The following LSM12 variants were observed in gnomAD, a reference collection of about 807,000 sequenced individuals.
The protein encoded by LSM12 is protein LSM12.
For synonymous variants in LSM12, 74 were observed against 87.3 expected (o/e 0.85, Z 0.85); for missense variants, 108 against 238.9 (o/e 0.45, Z 3.61).
At chr17:44,067,071 G>A (rs1292425622), upstream of LSM12, among the ~76,000 whole-genome samples, 1 of 152,144 alleles carries the variant, frequency 6.6e-6, no homozygotes, top group Non-Finnish European at 1.5e-5. Context: ...AGGCCGAGGC[G>A]GGTGGATCAC....
At chr17:44,045,000 G>T (rs532112671) in intron 2 of LSM12, among the ~76,000 whole-genome samples, 1 of 152,098 alleles carries the variant, frequency 6.6e-6, no homozygotes, top group East Asian at 1.9e-4. Flanking sequence ...TTTTAGGCTT[G>T]GGAGGGCCAC....
chr17:44,045,108 A>C (rs1597886265), intron 2 of LSM12, among the ~76,000 whole-genome samples: 1 of 152,020 alleles, frequency 6.6e-6, no homozygotes, highest in Non-Finnish European at 1.5e-5. Context: ...GCTCACTGCA[A>C]CCTCCGCCTC....
At chr17:44,054,471 T>C (rs1179534859) in intron 2 of LSM12, among the ~76,000 whole-genome samples, 1 of 151,952 alleles carries the variant, frequency 6.6e-6, no homozygotes, top group Non-Finnish European at 1.5e-5. Context: ...CCACCACATC[T>C]GGCTAATTTT....
chr17:44,066,392 C>A, intron 1 of LSM12, 72 bp downstream of exon 1: 1 of 1,483,166 alleles, frequency 6.7e-7, no homozygotes, highest in Non-Finnish European at 9.0e-7. Flanking sequence ...CAGCCGCCGC[C>A]GTCGTCCCCC....
chr17:44,056,649 C>T (rs1186273867), intron 2 of LSM12, among the ~76,000 whole-genome samples: 1 of 149,340 alleles, frequency 6.7e-6, no homozygotes, highest in Non-Finnish European at 1.5e-5. Context: ...GCTGAGATTG[C>T]ACCACTGCAC....
At chr17:44,047,670 C>T (rs2049587895) in intron 2 of LSM12, among the ~76,000 whole-genome samples, 2 of 152,030 alleles carry the variant, frequency 1.3e-5, no homozygotes, top group Admixed American at 1.3e-4. Flanking sequence ...TAAAGCAATC[C>T]TCCCACCTCA....
chr17:44,066,802 C>G (rs2049887154), upstream of LSM12: 1 of 466,972 alleles, frequency 2.1e-6, no homozygotes, highest in Non-Finnish European at 3.2e-6. Context: ...TGCGTCCGCT[C>G]GGTTAAGTGC....
intron 2 of LSM12, among the ~76,000 whole-genome samples, chr17:44,062,934 G>A (rs530886795): frequency 8.6e-5 from 13 of 151,990 alleles, no homozygotes; most frequent in South Asian, 2.1e-4. Context: ...GCCAGGCGTC[G>A]TGGCACACAC....
At chr17:44,045,573 G>T (rs1263278220) in intron 2 of LSM12, among the ~76,000 whole-genome samples, 1 of 151,952 alleles carries the variant, frequency 6.6e-6, no homozygotes, top group African/African-American at 2.4e-5. Context: ...TTCCAGTTTT[G>T]TTTTTTGTGT....
At chr17:44,063,362 T>A (rs1297446379) in intron 2 of LSM12, among the ~76,000 whole-genome samples, 1 of 152,156 alleles carries the variant, frequency 6.6e-6, no homozygotes, top group Non-Finnish European at 1.5e-5. Context: ...TTTAAGACAG[T>A]GGCTTTCAAA....
At chr17:44,052,238 A>C (rs1645573418) in intron 2 of LSM12, among the ~76,000 whole-genome samples, 1 of 151,664 alleles carries the variant, frequency 6.6e-6, no homozygotes. Flanking sequence ...CCTATCTCTA[A>C]ATTAAAAAAA....
intron 2 of LSM12, among the ~76,000 whole-genome samples, chr17:44,053,618 G>A (rs2049674034): frequency 6.6e-6 from 1 of 152,154 alleles, no homozygotes. Context: ...GACTATCAGA[G>A]ATTCAGAGGA....
intron 1 of LSM12, among the ~76,000 whole-genome samples, chr17:44,064,570 C>T (rs1287054167): frequency 1.5e-4 from 21 of 141,454 alleles, no homozygotes; most frequent in African/African-American, 5.4e-4. Context: ...CCGTCACTAC[C>T]AAAAAAAAAA....
intron 1 of LSM12, 59 bp from the exon 2 acceptor site, chr17:44,063,993 C>T (rs2049834595): frequency 1.3e-6 from 2 of 1,575,658 alleles, no homozygotes; most frequent in East Asian, 2.2e-5. Flanking sequence ...TGACACATCC[C>T]AAAAGGGGCA....
chr17:44,062,431 C>T (rs552071128), intron 2 of LSM12, among the ~76,000 whole-genome samples: 2 of 152,234 alleles, frequency 1.3e-5, no homozygotes, highest in South Asian at 4.1e-4. Flanking sequence ...GAGAAGACTT[C>T]TTGGAAGACG....
In LSM12 at chr17:44,066,607, C is replaced by CCGG. The variant is rs758214554; in HGVS notation, c.-23_-21dup. 400 of 1,340,312 alleles carry CCGG rather than the reference C, an allele frequency of 3.0e-4. No homozygotes were observed. The highest frequency in any genetic ancestry group is 5.7e-4 in the African/African-American group (37 of 64,986). The allele number at this position is 1,340,312 out of a possible 1,614,324, so 83.0% of individuals were successfully genotyped here. Reference sequence around the variant, plus strand: ...CGCCATCTTGGGAGTGCAGCCGCGGCCGGCGGCGGCGGCGGCAGCAGCGGG... The same window carrying CCGG: ...CGCCATCTTGGGAGTGCAGCCGCGGCCGGCGGCGGCGGCGGCGGCAGCAGCGGG... On this transcript the variant is annotated 5_prime_UTR_variant, in exon 1 of 5. Transcript: ENST00000293406.
At chr17:44,047,846 G>T (rs570041911) in intron 2 of LSM12, among the ~76,000 whole-genome samples, 1 of 151,702 alleles carries the variant, frequency 6.6e-6, no homozygotes, top group East Asian at 1.9e-4. Flanking sequence ...GCCTCCCAAA[G>T]TGCTGGAATT....
At chr17:44,038,714 C>G (rs1465793846) in intron 3 of LSM12, among the ~76,000 whole-genome samples, 1 of 152,192 alleles carries the variant, frequency 6.6e-6, no homozygotes, top group African/African-American at 2.4e-5. Context: ...TGACCCTTAT[C>G]ACCCATAATG....
At position 44,060,806 on chromosome 17, in the gene LSM12, G is replaced by A. The variant is rs1597897587; in HGVS notation, c.258+2995C>T. 6.6e-5 allele frequency among the ~76,000 whole-genome samples: 10 copies of A among 152,114 alleles called. No individual in the cohort carries two copies. The South Asian group carries it at 1.9e-3, about 28-fold the overall frequency. ...TATATCTACCTGAGGTCAAACATAAGAAGAGAACTGCTTCTTAACAGCTCC... is the reference window on the plus strand; with the variant it reads ...TATATCTACCTGAGGTCAAACATAAAAAGAGAACTGCTTCTTAACAGCTCC... On this transcript the variant is annotated intron_variant, in intron 2 of 4. Coordinates refer to ENST00000293406, the MANE Select transcript of LSM12 (RefSeq NM_001371445.1).
Sources: allele counts gnomAD v4.1 joint callset (sites outside exome capture counted in the v4.1 genomes callset), GRCh38; gene constraint gnomAD v4.1.1; transcripts MANE v1.5; gene names NCBI Gene and HGNC (gene_info 2026-07-23, HGNC 2026-07-21).